WIPI2: variants seen among roughly 807,000 people sequenced by gnomAD.
The protein encoded by WIPI2 is WD repeat domain phosphoinositide-interacting protein 2.
WIPI2 carries 28 observed loss-of-function variants against 52.3 expected under a neutral mutation model. That is an observed-to-expected ratio of 0.54 (90% CI 0.40 to 0.73). The LOEUF is 0.73. Among genes scored for constraint, WIPI2 ranks in the 30% least tolerant of loss-of-function variants. The probability of loss-of-function intolerance (pLI) is 0.00; values close to 1 mark genes in which losing one functional copy is unlikely to be tolerated. For synonymous variants in WIPI2, 268 were observed against 245.0 expected (o/e 1.09, Z -0.88); for missense variants, 506 against 602.9 (o/e 0.84, Z 1.68).
intron 3 of WIPI2, among the ~76,000 whole-genome samples, chr7:5,213,981 G>A (rs1248949278): frequency 8.5e-5 from 13 of 152,204 alleles, no homozygotes; most frequent in African/African-American, 4.8e-5. Flanking sequence ...CACCGCGCCC[G>A]GCCCCTTCAG....
intron 3 of WIPI2, chr7:5,213,537 G>C (rs896566687): frequency 1.2e-4 from 18 of 152,292 alleles, no homozygotes; most frequent in African/African-American, 4.3e-4. Context: ...ACAGTATCCA[G>C]TTAGTCACAC....
intron 3 of WIPI2, among the ~76,000 whole-genome samples, chr7:5,210,968 A>T (rs1356484823): frequency 1.3e-5 from 2 of 152,184 alleles, no homozygotes; most frequent in Non-Finnish European, 2.9e-5. Context: ...GGTACATCCC[A>T]GGCTGCTTGT....
At chr7:5,219,679 A>G (rs1473794392) in intron 7 of WIPI2, among the ~76,000 whole-genome samples, 1 of 152,240 alleles carries the variant, frequency 6.6e-6, no homozygotes, top group Non-Finnish European at 1.5e-5. Context: ...CCACAAAATT[A>G]TGTCTCATCT....
At chr7:5,196,646 A>G (rs574970625) in intron 2 of WIPI2, among the ~76,000 whole-genome samples, 5 of 152,144 alleles carry the variant, frequency 3.3e-5, no homozygotes, top group Non-Finnish European at 7.4e-5. Context: ...AATTTTGCCC[A>G]TGGGAGAAGC....
At chr7:5,204,294 G>A (rs974129133) in intron 3 of WIPI2, among the ~76,000 whole-genome samples, 2 of 152,012 alleles carry the variant, frequency 1.3e-5, no homozygotes, top group Non-Finnish European at 2.9e-5. Flanking sequence ...TGGTGAAACC[G>A]CGCCTCTACT....
At position 5,225,317 on chromosome 7, in the gene WIPI2, T is replaced by A. The variant is rs575887998; in HGVS notation, c.741-506T>A. Among the ~76,000 whole-genome samples, 30 of 152,218 alleles carry A rather than the reference T, an allele frequency of 2.0e-4. No homozygotes were observed. The East Asian group carries it at 5.6e-3, about 28-fold the overall frequency. ...CACCACGCCCAGCTAATTTTTGTAA[T>A]TTTAGTAGAGACGGGGGGTTTCACC... On this transcript the variant is annotated intron_variant, in intron 8 of 12. Transcript: ENST00000288828.
At chr7:5,209,558 G>GT (rs1782453545) in intron 3 of WIPI2, among the ~76,000 whole-genome samples, 1 of 152,154 alleles carries the variant, frequency 6.6e-6, no homozygotes, top group Non-Finnish European at 1.5e-5. Flanking sequence ...GTCTTTCTCT[G>GT]TGCAGTTGAA....
intron 2 of WIPI2, among the ~76,000 whole-genome samples, chr7:5,195,006 TTAAAAAGCAGTGACTCTGTCCTTCC>T (rs1781675269): frequency 6.6e-6 from 1 of 152,024 alleles, no homozygotes; most frequent in Non-Finnish European, 1.5e-5. Context: ...TCAAGTGCGT[TTAAAAAGCAGTGACTCTGTCCTTCC>T]CTAGAGAAGG....
chr7:5,220,408 A>G (rs1395827373), intron 7 of WIPI2, among the ~76,000 whole-genome samples: 1 of 151,382 alleles, frequency 6.6e-6, no homozygotes, highest in Non-Finnish European at 1.5e-5. Context: ...ACACCCAGCT[A>G]ATTTTTGTAT....
chr7:5,224,992 A>T (rs1157502787), intron 8 of WIPI2, among the ~76,000 whole-genome samples: 2 of 152,192 alleles, frequency 1.3e-5, no homozygotes, highest in Non-Finnish European at 2.9e-5. Flanking sequence ...ACTCCAGGAA[A>T]ACCCCTTGCT....
rs920561180 is a variant in WIPI2, at chr7:5,230,120, T to TG, written c.1252+386dup. Among the ~76,000 whole-genome samples, 1 of 152,084 alleles carries TG rather than the reference T, an allele frequency of 6.6e-6. No homozygotes were observed. The highest frequency in any genetic ancestry group is 1.5e-5 in the Non-Finnish European group (1 of 67,990). On this transcript the variant is annotated intron_variant, in intron 12 of 12. Transcript: ENST00000288828. This position sits in a 1 kb window ranked among gnomAD's most constrained non-coding sequence, Gnocchi z 4.8. ...AATGTCATCCTGGCTCAGGTGACTC[T>TG]GGGGTCACGTGACTTGGGCCCAGAC...
chr7:5,225,007 C>T (rs1326544347), intron 8 of WIPI2, among the ~76,000 whole-genome samples: 6 of 152,142 alleles, frequency 3.9e-5, no homozygotes, highest in South Asian at 2.1e-4. Flanking sequence ...CTTGCTATTA[C>T]GGACAGGGCT....
At chr7:5,207,768 C>CTTTTTTTTTTTTTTTTTTTTTTTT in intron 3 of WIPI2, among the ~76,000 whole-genome samples, 1 of 107,290 alleles carries the variant, frequency 9.3e-6, no homozygotes, top group Non-Finnish European at 1.8e-5. Flanking sequence ...TCCTCACTAA[C>CTTTTTTTTTTTTTTTTTTTTTTTT]TTTTTTTTTT....
At chr7:5,222,757 C>T (rs991083775) in intron 8 of WIPI2, 85 bp downstream of exon 8, 9 of 1,289,740 alleles carry the variant, frequency 7.0e-6, no homozygotes, top group East Asian at 2.3e-5. Flanking sequence ...ACAAGTAGAA[C>T]CCCCAGGAGA....
intron 3 of WIPI2, among the ~76,000 whole-genome samples, chr7:5,213,683 GTTGTTGT>G (rs769116314): frequency 1.8e-4 from 27 of 151,628 alleles, no homozygotes; most frequent in Admixed American, 1.3e-3. Flanking sequence ...TGTTGTTGTT[GTTGTTGT>G]TGTTGTTGTT....
intron 3 of WIPI2, among the ~76,000 whole-genome samples, chr7:5,199,930 G>T (rs935479790): frequency 6.6e-6 from 1 of 152,172 alleles, no homozygotes; most frequent in Non-Finnish European, 1.5e-5. Flanking sequence ...CATGTGTACT[G>T]GTCTGTAACT....
chr7:5,214,748 T>C lies in WIPI2; in HGVS notation c.381+44T>C, dbSNP rs769065715. The stretch of plus-strand genomic sequence containing the variant: ...GGGTGTGGGCTTGTCTGTTGCTCCC[T>C]CCAGCACTCTGGGACAAGCCCACCC... On this transcript the variant is annotated intron_variant, in intron 4 of 12. Coordinates refer to ENST00000288828, the MANE Select transcript of WIPI2 (RefSeq NM_015610.4). The C allele has an allele frequency of 1.7e-5, 28 of 1,603,282 alleles. 1 individual carries two copies. In the South Asian group the frequency reaches 3.0e-4, roughly 17 times the overall value.
intron 3 of WIPI2, among the ~76,000 whole-genome samples, chr7:5,202,694 G>A (rs1782088345): frequency 1.3e-5 from 2 of 152,118 alleles, no homozygotes; most frequent in Admixed American, 1.3e-4. Flanking sequence ...CCTCTCATAT[G>A]ATCAGTGCTG....
intron 1 of WIPI2, among the ~76,000 whole-genome samples, chr7:5,191,485 A>G (rs1425900616): frequency 1.3e-5 from 2 of 152,200 alleles, no homozygotes; most frequent in African/African-American, 4.8e-5. Context: ...GGTCATCCTC[A>G]GGGCAAGAGA....
Sources: allele counts gnomAD v4.1 joint callset (sites outside exome capture counted in the v4.1 genomes callset), GRCh38; gene constraint gnomAD v4.1.1; non-coding constraint Gnocchi (gnomAD v3.1); transcripts MANE v1.5; gene names NCBI Gene and HGNC (gene_info 2026-07-23, HGNC 2026-07-21).